PDZD2: variants seen among roughly 807,000 people sequenced by gnomAD.
The protein encoded by PDZD2 is PDZ domain containing 2, also known as PDZ domain-containing protein 2.
Under a neutral mutation model 220.7 loss-of-function variants are expected in PDZD2, and 90 were observed. That is an observed-to-expected ratio of 0.41 (90% CI 0.34 to 0.49). The LOEUF (loss-of-function observed/expected upper bound fraction) is 0.49, where lower values mean the gene tolerates loss of function less well. Ranked by LOEUF, PDZD2 falls within the 20% of genes least tolerant of loss-of-function variation. PDZD2 has a pLI of 0.28. For missense variants in PDZD2, 3,174 were observed against 3,608.5 expected (o/e 0.88, Z 3.08); for synonymous variants, 1,375 against 1,450.5 (o/e 0.95, Z 1.18).
chr5:32,040,350 T>G (rs62361267), intron 7 of PDZD2, among the ~76,000 whole-genome samples: 73,735 of 143,906 alleles, frequency 0.51, 19,691 homozygotes, highest in Non-Finnish European at 0.59. Flanking sequence ...GAGGAGCCCC[T>G]CTGCCTGGCC....
intron 2 of PDZD2, chr5:31,908,481 T>G: frequency 9.9e-7 from 1 of 1,007,094 alleles, no homozygotes; most frequent in Non-Finnish European, 1.5e-6. Context: ...AGGGTAACAC[T>G]GATGACTCGC....
At chr5:31,787,928 C>T (rs1753474044) in intron 1 of PDZD2, among the ~76,000 whole-genome samples, 1 of 152,166 alleles carries the variant, frequency 6.6e-6, no homozygotes, top group South Asian at 2.1e-4. Context: ...TGGACCGCAG[C>T]CTCCACAGGC....
intron 7 of PDZD2, among the ~76,000 whole-genome samples, chr5:32,041,117 C>T (rs1756094080): frequency 7.3e-6 from 1 of 137,524 alleles, no homozygotes; most frequent in African/African-American, 2.8e-5. Flanking sequence ...AGCGCCTCTG[C>T]CCGGCCGCCC....
intron 2 of PDZD2, among the ~76,000 whole-genome samples, chr5:31,837,502 C>G (rs1340173578): frequency 1.3e-5 from 2 of 152,158 alleles, no homozygotes; most frequent in Non-Finnish European, 2.9e-5. Flanking sequence ...GTGGGCAGAT[C>G]ATTTGAGGTC....
chr5:31,936,505 C>T (rs1221825550), intron 2 of PDZD2, among the ~76,000 whole-genome samples: 1 of 151,128 alleles, frequency 6.6e-6, no homozygotes, highest in African/African-American at 2.4e-5. Context: ...TCTGCCCAAG[C>T]AAGAGTTCTC....
Position 31,824,594 on chromosome 5 carries a change from G to A in PDZD2, c.476+24870G>A, listed in dbSNP as rs144292835. ...GCCTGCCTTGATCCTTTTGTAGTTC[G>A]TGAGTATGATGACTGGGTGTTCACG... is the stretch of plus-strand genomic sequence containing the variant. On this transcript the variant is annotated intron_variant, in intron 2 of 24. Coordinates refer to ENST00000438447, the MANE Select transcript of PDZD2 (RefSeq NM_178140.4). 3.9e-3 allele frequency among the ~76,000 whole-genome samples: 599 copies of A among 151,856 alleles called. 5 individuals carry two copies. Among genetic ancestry groups the A allele is most frequent in the African/African-American group, 0.012 (512 of 41,402 alleles).
At chr5:31,991,416 G>A (rs1432533493) in intron 3 of PDZD2, among the ~76,000 whole-genome samples, 1 of 152,146 alleles carries the variant, frequency 6.6e-6, no homozygotes, top group African/African-American at 2.4e-5. Flanking sequence ...TTCAGATGTG[G>A]GAGATTAAAC....
At chr5:31,951,661 T>A (rs2111616170) in intron 2 of PDZD2, among the ~76,000 whole-genome samples, 1 of 152,366 alleles carries the variant, frequency 6.6e-6, no homozygotes, top group Middle Eastern at 3.4e-3. Context: ...GTGCCACAGT[T>A]GGTTTATCTG....
intron 2 of PDZD2, among the ~76,000 whole-genome samples, chr5:31,880,935 G>A (rs1342510364): frequency 2.0e-5 from 3 of 151,256 alleles, no homozygotes; most frequent in East Asian, 3.9e-4. Context: ...CCGAGTAGCT[G>A]GGATTACAGG....
intron 6 of PDZD2, among the ~76,000 whole-genome samples, chr5:32,022,185 G>GTTTTTTTT (rs145876120): frequency 2.4e-4 from 32 of 135,634 alleles, no homozygotes; most frequent in Non-Finnish European, 3.0e-4. Context: ...TTGTTTTTTT[G>GTTTTTTTT]TTTTTTTGTT....
intron 15 of PDZD2, 139 bp from the exon 16 acceptor site, chr5:32,071,245 C>A: frequency 2.7e-6 from 2 of 735,630 alleles, no homozygotes; most frequent in Non-Finnish European, 2.5e-6. Flanking sequence ...CACGTCTAAC[C>A]CTGTGCATGC....
At chr5:31,827,176 A>G (rs1021911019) in intron 2 of PDZD2, among the ~76,000 whole-genome samples, 1 of 152,108 alleles carries the variant, frequency 6.6e-6, no homozygotes, top group African/African-American at 2.4e-5. Context: ...GGTTCTGAAC[A>G]CTTTCTTAAT....
intron 2 of PDZD2, among the ~76,000 whole-genome samples, chr5:31,930,445 C>A (rs977728653): frequency 6.6e-6 from 1 of 151,902 alleles, no homozygotes; most frequent in South Asian, 2.1e-4. Context: ...GTGATCCGCC[C>A]GCCTCGGCCT....
At chr5:31,684,826 A>G (rs531667550) in intron 1 of PDZD2, among the ~76,000 whole-genome samples, 1 of 152,100 alleles carries the variant, frequency 6.6e-6, no homozygotes, top group East Asian at 1.9e-4. Flanking sequence ...CTTGTCCTAG[A>G]TCATCTGTGT....
intron 1 of PDZD2, among the ~76,000 whole-genome samples, chr5:31,721,918 A>G (rs1440946601): frequency 2.0e-5 from 3 of 152,108 alleles, no homozygotes; most frequent in Non-Finnish European, 2.9e-5. Flanking sequence ...CCTCATCTCC[A>G]TAAATTGCAT....
intron 7 of PDZD2, among the ~76,000 whole-genome samples, chr5:32,039,354 G>A (rs1159246132): frequency 3.3e-5 from 5 of 151,806 alleles, no homozygotes; most frequent in African/African-American, 4.8e-5. Context: ...TGATCTGCCC[G>A]CCTCGGCCTC....
At chr5:31,657,463 A>G (rs1745595639) in intron 1 of PDZD2, 1 of 152,180 alleles carries the variant, frequency 6.6e-6, no homozygotes, top group South Asian at 2.1e-4. Context: ...CGTGGATGAC[A>G]TATTTATCCC....
chr5:31,782,794 A>G (rs112788777), intron 1 of PDZD2, among the ~76,000 whole-genome samples: 14,767 of 147,382 alleles, frequency 0.1, 797 homozygotes, highest in South Asian at 0.18. Flanking sequence ...GCTTACCACA[A>G]TCTCTGCCTC....
chr5:31,974,022 C>T (rs959311241), intron 2 of PDZD2, among the ~76,000 whole-genome samples: 25 of 152,162 alleles, frequency 1.6e-4, no homozygotes, highest in African/African-American at 6.0e-4. Context: ...ACTCCGTCAC[C>T]CAGGCTGGAA....
Sources: gnomAD v4.1 joint callset for allele counts (sites outside exome capture counted in the v4.1 genomes callset) on GRCh38, gnomAD v4.1.1 for gene constraint, MANE v1.5 for transcripts, NCBI Gene and HGNC (gene_info 2026-07-23, HGNC 2026-07-21) for gene names.